Variants in TANC1 observed in about 807,000 individuals in gnomAD.
The protein encoded by TANC1 is tetratricopeptide repeat, ankyrin repeat and coiled-coil containing 1.
Under a neutral mutation model 149.7 loss-of-function variants are expected in TANC1, and 77 were observed. That is an observed-to-expected ratio of 0.51 (90% CI 0.43 to 0.62). TANC1 has a LOEUF of 0.62. TANC1 is among the 20% of genes least tolerant of loss of function. TANC1 has a pLI of 0.00. For missense variants in TANC1, 1,985 were observed against 2,321.8 expected (o/e 0.85, Z 2.98); for synonymous variants, 854 against 925.0 (o/e 0.92, Z 1.39).
intron 23 of TANC1, chr2:159,224,579 T>C (rs539483639): frequency 5.2e-6 from 3 of 571,622 alleles, no homozygotes; most frequent in African/African-American, 3.7e-5. Context: ...GAGGCTGGTG[T>C]TGAAGGACAG....
At position 159,231,190 on chromosome 2, in the gene TANC1, C is replaced by A; in HGVS notation, c.*178C>A. 1 of 552,246 alleles carries A rather than the reference C, an allele frequency of 1.8e-6. No homozygotes were observed. Among genetic ancestry groups the A allele is most frequent in the Non-Finnish European group, 3.2e-6 (1 of 314,662 alleles). 34.2% of individuals were successfully genotyped at this position (552,246 alleles called of 1,614,324 possible). A position where few individuals can be genotyped will look rare whatever the true frequency, so the allele number is the denominator to read the frequency against. On this transcript the variant is annotated 3_prime_UTR_variant, in exon 27 of 27. Transcript: ENST00000263635. ...AAACTTCTTTAATAGCTAGAAATCA[C>A]CATAAATAAGAATGCTAAACAGAAT... is the stretch of plus-strand genomic sequence containing the variant.
chr2:159,012,438 AT>A (rs577781991), intron 2 of TANC1, among the ~76,000 whole-genome samples: 14,096 of 145,640 alleles, frequency 0.097, 670 homozygotes, highest in Non-Finnish European at 0.11. Flanking sequence ...TTGGCACTCT[AT>A]TTTTTTTTTT....
chr2:159,054,829 T>G (rs1334120897), intron 2 of TANC1, among the ~76,000 whole-genome samples: 1 of 152,200 alleles, frequency 6.6e-6, no homozygotes. Context: ...TGGTTTATTG[T>G]GTACTGTGCT....
intron 1 of TANC1, among the ~76,000 whole-genome samples, chr2:158,990,788 A>G (rs1171638306): frequency 6.6e-6 from 1 of 152,100 alleles, no homozygotes; most frequent in Non-Finnish European, 1.5e-5. Context: ...ATTCAGGGTT[A>G]TGGGCTGAGT....
chr2:159,022,702 C>T (rs2038924589), intron 2 of TANC1, among the ~76,000 whole-genome samples: 1 of 152,162 alleles, frequency 6.6e-6, no homozygotes, highest in Admixed American at 6.5e-5. Context: ...CACACCACTG[C>T]ACTCCAGCCT....
At chr2:159,099,007 G>T (rs1037193205) in intron 4 of TANC1, among the ~76,000 whole-genome samples, 4 of 152,092 alleles carry the variant, frequency 2.6e-5, no homozygotes, top group African/African-American at 9.7e-5. Context: ...GGTAATATTT[G>T]TATTACTTGA....
At chr2:159,005,004 A>G (rs1157628317) in intron 2 of TANC1, among the ~76,000 whole-genome samples, 1 of 152,234 alleles carries the variant, frequency 6.6e-6, no homozygotes, top group Admixed American at 6.5e-5. Context: ...GGGCCGAAAC[A>G]AAGGGATGGG....
chr2:159,214,284 G>C (rs1209522421), intron 19 of TANC1, among the ~76,000 whole-genome samples: 1 of 152,186 alleles, frequency 6.6e-6, no homozygotes, highest in Non-Finnish European at 1.5e-5. Flanking sequence ...TCATAACTCT[G>C]GTCAGGCTCA....
At chr2:159,098,846 G>A (rs2046392234) in intron 4 of TANC1, among the ~76,000 whole-genome samples, 1 of 151,344 alleles carries the variant, frequency 6.6e-6, no homozygotes, top group Non-Finnish European at 1.5e-5. Flanking sequence ...TTTTTTTAAG[G>A]TTTGTGGAGT....
chr2:159,003,942 C>T, intron 2 of TANC1: 1 of 1,612,750 alleles, frequency 6.2e-7, no homozygotes, highest in Non-Finnish European at 8.5e-7. Context: ...AGAACAGCCA[C>T]AGCTGATGAC....
intron 4 of TANC1, among the ~76,000 whole-genome samples, chr2:159,121,598 A>G (rs970166284): frequency 2.0e-5 from 3 of 152,232 alleles, no homozygotes; most frequent in Non-Finnish European, 4.4e-5. Context: ...CCAAAGTGCT[A>G]GGATTGTGAG....
intron 1 of TANC1, among the ~76,000 whole-genome samples, chr2:158,995,750 A>G (rs1470254220): frequency 6.6e-6 from 1 of 152,168 alleles, no homozygotes; most frequent in Non-Finnish European, 1.5e-5. Context: ...GACAGCTCTC[A>G]ATTCCACCCT....
At chr2:159,201,435 C>T (rs903826561) in intron 19 of TANC1, among the ~76,000 whole-genome samples, 43 of 152,204 alleles carry the variant, frequency 2.8e-4, no homozygotes, top group Admixed American at 2.7e-3. Context: ...GGTCAGCTCA[C>T]AGTCCTGGTT....
At chr2:159,073,080 C>T (rs181809368) in intron 3 of TANC1, among the ~76,000 whole-genome samples, 10 of 152,304 alleles carry the variant, frequency 6.6e-5, no homozygotes, top group African/African-American at 2.4e-4. Flanking sequence ...AAAGGCTTTT[C>T]TCCTTGCTTA....
chr2:159,005,534 G>A (rs1370167100), intron 2 of TANC1, among the ~76,000 whole-genome samples: 1 of 152,132 alleles, frequency 6.6e-6, no homozygotes, highest in Non-Finnish European at 1.5e-5. Context: ...ATTGCAGTGA[G>A]CTGAGATCAC....
chr2:159,153,271 G>A (rs1383883001), intron 7 of TANC1, among the ~76,000 whole-genome samples: 1 of 152,186 alleles, frequency 6.6e-6, no homozygotes, highest in Non-Finnish European at 1.5e-5. Flanking sequence ...TGTAACCTCT[G>A]CCATGATGAC....
intron 3 of TANC1, among the ~76,000 whole-genome samples, chr2:159,079,400 A>G (rs1021499161): frequency 7.9e-6 from 1 of 127,284 alleles, no homozygotes; most frequent in African/African-American, 3.1e-5. Context: ...AGTGTGCTGC[A>G]TGTTTATAAA....
intron 3 of TANC1, among the ~76,000 whole-genome samples, chr2:159,072,967 T>G (rs2043290563): frequency 6.6e-6 from 1 of 152,228 alleles, no homozygotes; most frequent in Non-Finnish European, 1.5e-5. Flanking sequence ...CTGAGTCATT[T>G]GTCTGCCCTG....
intron 1 of TANC1, among the ~76,000 whole-genome samples, chr2:158,971,176 C>T (rs1212541209): frequency 6.6e-6 from 1 of 152,202 alleles, no homozygotes; most frequent in Non-Finnish European, 1.5e-5. Context: ...AGGCAACGTT[C>T]TCTTCTGAGT....
Sources: allele counts gnomAD v4.1 joint callset (sites outside exome capture counted in the v4.1 genomes callset), GRCh38; gene constraint gnomAD v4.1.1; transcripts MANE v1.5; gene names NCBI Gene and HGNC (gene_info 2026-07-23, HGNC 2026-07-21).